Variants in DLGAP1 observed in about 807,000 individuals in gnomAD.
DLGAP1 encodes the protein DLG associated protein 1, also known as disks large-associated protein 1.
In DLGAP1, 11 loss-of-function variants were observed where a neutral mutation model predicts 90.8. That is an observed-to-expected ratio of 0.12 (90% CI 0.08 to 0.20). The LOEUF is 0.20. Among genes scored for constraint, DLGAP1 ranks in the 10% least tolerant of loss-of-function variants. The pLI is 1.00. For missense variants in DLGAP1, 1,050 were observed against 1,333.8 expected (o/e 0.79, Z 3.31); for synonymous variants, 558 against 540.7 (o/e 1.03, Z -0.44).
At position 4,330,995 on chromosome 18, in the gene DLGAP1, T is replaced by C. The variant is rs372573887; in HGVS notation, c.-267+124011A>G. On this transcript the variant is annotated intron_variant, in intron 1 of 12. Coordinates refer to ENST00000315677, the MANE Select transcript of DLGAP1 (RefSeq NM_004746.4). ...TTTTCTTTGTAGCTCTATCAAGTTT[T>C]GCTTCTTATGATGTGAGGCTCTGTC... Among the ~76,000 whole-genome samples the C allele has an allele frequency of 5.9e-5, 9 of 152,020 alleles. No individual in the cohort carries two copies. The South Asian group carries it at 1.9e-3, about 31-fold the overall frequency.
intron 2 of DLGAP1, among the ~76,000 whole-genome samples, chr18:4,078,798 T>C (rs1329054220): frequency 2.6e-5 from 4 of 152,188 alleles, no homozygotes; most frequent in African/African-American, 9.7e-5. Context: ...AATGAGTCCA[T>C]GTTTCCTTGA....
At chr18:3,614,978 A>G (rs1465153715) in intron 7 of DLGAP1, among the ~76,000 whole-genome samples, 3 of 141,382 alleles carry the variant, frequency 2.1e-5, no homozygotes, top group Non-Finnish European at 4.6e-5. Context: ...TTGGAGTGCA[A>G]TGGCACGATC....
intron 3 of DLGAP1, among the ~76,000 whole-genome samples, chr18:3,893,573 CA>C (rs998419625): frequency 7.2e-6 from 1 of 139,710 alleles, no homozygotes; most frequent in African/African-American, 2.7e-5. Flanking sequence ...GAGCAAAACT[CA>C]ATCTCAAAAT....
intron 2 of DLGAP1, among the ~76,000 whole-genome samples, chr18:4,149,330 A>G (rs1379190193): frequency 2.0e-5 from 3 of 152,200 alleles, no homozygotes. Flanking sequence ...ATTCACTCGG[A>G]TTCCATGATA....
At chr18:4,380,361 G>A (rs77594006) in intron 1 of DLGAP1, among the ~76,000 whole-genome samples, 2,908 of 152,202 alleles carry the variant, frequency 0.019, 59 homozygotes, top group African/African-American at 0.049. Context: ...GGACTAGAGG[G>A]GAGTCCTGGG....
intron 7 of DLGAP1, among the ~76,000 whole-genome samples, chr18:3,679,614 G>T (rs75622699): frequency 6.8e-6 from 1 of 147,884 alleles, no homozygotes; most frequent in African/African-American, 2.5e-5. Flanking sequence ...TACTAGATAG[G>T]GCCGATGAGC....
At chr18:3,769,731 T>C (rs2064427673) in intron 5 of DLGAP1, among the ~76,000 whole-genome samples, 1 of 151,960 alleles carries the variant, frequency 6.6e-6, no homozygotes, top group African/African-American at 2.4e-5. Flanking sequence ...GGTGTGGCTA[T>C]AAAAGGGCAA....
At chr18:3,839,136 C>G (rs2148619628) in intron 4 of DLGAP1, among the ~76,000 whole-genome samples, 1 of 152,246 alleles carries the variant, frequency 6.6e-6, no homozygotes, top group East Asian at 1.9e-4. Flanking sequence ...GACACTGATC[C>G]TGGGATTCAT....
chr18:3,724,292 C>T (rs548192938), intron 7 of DLGAP1, among the ~76,000 whole-genome samples: 1 of 152,116 alleles, frequency 6.6e-6, no homozygotes, highest in Admixed American at 6.6e-5. Flanking sequence ...CATAATCACA[C>T]CACTGCACTG....
At chr18:3,576,812 C>T (rs1313663425) in intron 8 of DLGAP1, among the ~76,000 whole-genome samples, 1 of 150,890 alleles carries the variant, frequency 6.6e-6, no homozygotes, top group Non-Finnish European at 1.5e-5. Flanking sequence ...GTGATCCGCC[C>T]ACCTTGGCCT....
intron 1 of DLGAP1, among the ~76,000 whole-genome samples, chr18:4,439,555 C>A (rs563984349): frequency 6.6e-6 from 1 of 152,194 alleles, no homozygotes; most frequent in African/African-American, 2.4e-5. Flanking sequence ...CCTGTAATCC[C>A]AGAATTTTGG....
chr18:4,364,461 T>C (rs1021067319), intron 1 of DLGAP1, among the ~76,000 whole-genome samples: 2 of 152,026 alleles, frequency 1.3e-5, no homozygotes, highest in African/African-American at 4.8e-5. Context: ...TCAATATGTA[T>C]ACACTGCAGG....
chr18:3,556,401 G>A (rs2053752705), intron 9 of DLGAP1, among the ~76,000 whole-genome samples: 1 of 152,126 alleles, frequency 6.6e-6, no homozygotes, highest in African/African-American at 2.4e-5. Flanking sequence ...CACTGCCCCA[G>A]ACATCCTCAG....
At chr18:3,848,295 G>A (rs2069138196) in intron 4 of DLGAP1, among the ~76,000 whole-genome samples, 1 of 151,496 alleles carries the variant, frequency 6.6e-6, no homozygotes, top group East Asian at 1.9e-4. Flanking sequence ...AGGAGGAGGA[G>A]CAGTAGGGAG....
intron 8 of DLGAP1, among the ~76,000 whole-genome samples, chr18:3,573,967 G>T (rs1335117346): frequency 1.3e-5 from 2 of 152,152 alleles, no homozygotes; most frequent in African/African-American, 4.8e-5. Context: ...TTCCCAAAGT[G>T]CTGGGATTAC....
intron 7 of DLGAP1, among the ~76,000 whole-genome samples, chr18:3,694,066 T>G (rs563490069): frequency 9.0e-5 from 11 of 121,924 alleles, no homozygotes; most frequent in Non-Finnish European, 1.3e-4. Flanking sequence ...GGCCCCAGAG[T>G]GTGACGTTCC....
At chr18:4,377,212 GGATGCACAAGAGAATAAGAAATGACCAGT>G (rs771243412) in intron 1 of DLGAP1, among the ~76,000 whole-genome samples, 1 of 151,992 alleles carries the variant, frequency 6.6e-6, no homozygotes, top group Non-Finnish European at 1.5e-5. Flanking sequence ...CTCTAGAACT[GGATGCACAAGAGAATAAGAAATGACCAGT>G]GATGCACCCT....
chr18:4,219,436 T>G (rs1328261529), intron 1 of DLGAP1, among the ~76,000 whole-genome samples: 4 of 152,050 alleles, frequency 2.6e-5, no homozygotes, highest in African/African-American at 9.7e-5. Context: ...GCAATGTTTC[T>G]TCACACTACT....
chr18:3,832,643 T>A (rs2068092372), intron 4 of DLGAP1, among the ~76,000 whole-genome samples: 1 of 152,060 alleles, frequency 6.6e-6, no homozygotes, highest in Non-Finnish European at 1.5e-5. Context: ...AAATGTTTTG[T>A]GTTGGAACGG....
Sources: allele counts gnomAD v4.1 joint callset (sites outside exome capture counted in the v4.1 genomes callset), GRCh38; gene constraint gnomAD v4.1.1; transcripts MANE v1.5; gene names NCBI Gene and HGNC (gene_info 2026-07-23, HGNC 2026-07-21).